The following SNX4 variants were observed in gnomAD, a reference collection of about 807,000 sequenced individuals.
SNX4 encodes sorting nexin 4, also known as sorting nexin-4.
Under a neutral mutation model 70.8 loss-of-function variants are expected in SNX4, and 49 were observed. The ratio of observed to expected loss-of-function variants is 0.69; its 90% confidence interval spans 0.55 to 0.88. The LOEUF is 0.88. Ranked by LOEUF, SNX4 falls within the 40% of genes least tolerant of loss-of-function variation. SNX4 has a pLI of 0.00. For synonymous variants in SNX4, 206 were observed against 183.8 expected (o/e 1.12, Z -0.98); for missense variants, 528 against 544.8 (o/e 0.97, Z 0.31).
intron 8 of SNX4, among the ~76,000 whole-genome samples, chr3:125,474,854 T>A (rs1934256152): frequency 6.6e-6 from 1 of 152,116 alleles, no homozygotes; most frequent in Admixed American, 6.5e-5. Flanking sequence ...CCCCCACATG[T>A]CTCCTATGGG....
intron 10 of SNX4, among the ~76,000 whole-genome samples, chr3:125,459,159 G>A (rs1163375804): frequency 1.3e-5 from 2 of 152,060 alleles, no homozygotes; most frequent in African/African-American, 2.4e-5. Context: ...GGGCAACAGA[G>A]TGAAACTCCA....
At position 125,495,277 on chromosome 3, in the gene SNX4, T is replaced by TATATATATATATATAATACAC; in HGVS notation, c.597+2063_597+2064insGTGTATTATATATATATATAT. On this transcript the variant is annotated intron_variant, in intron 5 of 13. Transcript: ENST00000251775. Reference sequence around the variant, plus strand: ...ATATATATATATATATATATATATATACACATACACACACACACACGTATG... The same window carrying TATATATATATATATAATACAC: ...ATATATATATATATATATATATATATATATATATATATATAATACACACACATACACACACACACACGTATG... 1.1e-4 allele frequency among the ~76,000 whole-genome samples: 11 copies of TATATATATATATATAATACAC among 99,618 alleles called. No individual in the cohort carries two copies. In the Admixed American group the frequency reaches 1.4e-3, roughly 12 times the overall value. The allele number at this position is 99,618 out of a possible 152,430, so 65.4% of individuals were successfully genotyped here.
chr3:125,496,648 T>C (rs552506040), intron 5 of SNX4, among the ~76,000 whole-genome samples: 1 of 152,306 alleles, frequency 6.6e-6, no homozygotes, highest in South Asian at 2.1e-4. Context: ...TGTATTTCTT[T>C]TAGGGAAGAA....
intron 2 of SNX4, among the ~76,000 whole-genome samples, chr3:125,499,990 G>A (rs1314838548): frequency 2.0e-5 from 3 of 151,870 alleles, no homozygotes; most frequent in African/African-American, 7.3e-5. Flanking sequence ...AACCCGGGAG[G>A]CAGAGGTTGC....
In SNX4 at chr3:125,447,786, T is replaced by G; in HGVS notation, c.1346A>C (p.Lys449Thr). The change falls in exon 14 of 14, where the codon AAG (lysine) becomes ACG (threonine). Residue 449 changes from lysine (K) to threonine (T), a missense_variant. Around this residue, in one of 3 missense-constraint regions of SNX4, gnomAD observed 159 missense variants for 172.6 expected, o/e 0.92. Coordinates refer to ENST00000251775, the MANE Select transcript of SNX4 (RefSeq NM_003794.4). ...GAAATTCAATTCACAGGATTACATC[T>G]TGCTAAAGCATTCCTTAGCATTGGT... ...VWTNAKECFS[K>T]M 1 of 1,592,466 alleles carries G rather than the reference T, an allele frequency of 6.3e-7. No individual in the cohort carries two copies. The highest frequency in any genetic ancestry group is 8.5e-7 in the Non-Finnish European group (1 of 1,171,182).
At chr3:125,477,421 T>C (rs745705803) in intron 7 of SNX4, among the ~76,000 whole-genome samples, 5 of 152,196 alleles carry the variant, frequency 3.3e-5, no homozygotes, top group African/African-American at 9.6e-5. Flanking sequence ...ACAGAAATTT[T>C]ACAAGTTAAA....
intron 6 of SNX4, among the ~76,000 whole-genome samples, chr3:125,481,056 G>A (rs1934399812): frequency 6.6e-6 from 1 of 152,028 alleles, no homozygotes; most frequent in Non-Finnish European, 1.5e-5. Context: ...TTAACACCCT[G>A]TCAATATCCA....
At chr3:125,517,735 G>C (rs1309436261) in intron 1 of SNX4, among the ~76,000 whole-genome samples, 1 of 152,230 alleles carries the variant, frequency 6.6e-6, no homozygotes, top group Non-Finnish European at 1.5e-5. Flanking sequence ...CAGCACTTTA[G>C]GAGGCTGAGG....
chr3:125,506,981 C>G (rs1935059629), intron 1 of SNX4, among the ~76,000 whole-genome samples: 3 of 150,838 alleles, frequency 2.0e-5, no homozygotes, highest in Admixed American at 2.0e-4. Flanking sequence ...GCGGGCAGGT[C>G]ACCTGAGGTC....
intron 6 of SNX4, among the ~76,000 whole-genome samples, chr3:125,483,495 CAGTA>C (rs1382393745): frequency 3.9e-5 from 6 of 152,140 alleles, no homozygotes; most frequent in Middle Eastern, 3.2e-3. Flanking sequence ...AGAATATAAA[CAGTA>C]AGCCTCAGAA....
intron 1 of SNX4, among the ~76,000 whole-genome samples, chr3:125,512,464 T>C (rs945789801): frequency 2.0e-5 from 3 of 152,042 alleles, no homozygotes; most frequent in Non-Finnish European, 4.4e-5. Context: ...CACACAACAA[T>C]AATACCAGTA....
intron 5 of SNX4, 88 bp from the exon 6 acceptor site, chr3:125,489,551 C>A: frequency 2.0e-6 from 2 of 998,146 alleles, no homozygotes; most frequent in South Asian, 1.4e-5. Flanking sequence ...AATTAAGATG[C>A]TCAAGTACAG....
chr3:125,479,046 G>A (rs1355070630), intron 7 of SNX4, among the ~76,000 whole-genome samples: 1 of 152,098 alleles, frequency 6.6e-6, no homozygotes, highest in Non-Finnish European at 1.5e-5. Context: ...ACCTTCAGAA[G>A]AATTTTTTCC....
At position 125,453,916 on chromosome 3, in the gene SNX4, G is replaced by A. The variant is rs142294354; in HGVS notation, c.1084C>T (p.Leu362Phe). The A allele has an allele frequency of 1.2e-6, 2 of 1,613,716 alleles. No individual in the cohort carries two copies. The highest frequency in any genetic ancestry group is 1.3e-5 in the African/African-American group (1 of 74,888). The change falls in exon 12 of 14, where the codon CTC becomes TTC. Residue 362 changes from leucine (L) to phenylalanine (F), a missense_variant. Transcript: ENST00000251775. The stretch of plus-strand genomic sequence containing the variant: ...TGCTCTGGAGTTTCTTGACCAAAGA[G>A]CTTGGTAGTCATTCCCTTCAAAGAG... ...TFSLKGMTTK[L>F]FGQETPEQRE... is the part of the protein sequence containing the mutation.
chr3:125,479,246 A>C (rs941648048), intron 7 of SNX4, among the ~76,000 whole-genome samples: 7 of 152,040 alleles, frequency 4.6e-5, no homozygotes, highest in African/African-American at 1.7e-4. Context: ...AATTCCAGGC[A>C]ATATATTTCA....
intron 5 of SNX4, among the ~76,000 whole-genome samples, chr3:125,495,292 A>C (rs1934769431): frequency 7.1e-6 from 1 of 140,232 alleles, no homozygotes; most frequent in Admixed American, 7.2e-5. Context: ...ATACACACAC[A>C]CACACGTATG....
At chr3:125,496,683 T>C (rs1046945395) in intron 5 of SNX4, among the ~76,000 whole-genome samples, 1 of 152,208 alleles carries the variant, frequency 6.6e-6, no homozygotes, top group Non-Finnish European at 1.5e-5. Context: ...AGAACTCAAG[T>C]GTCCAGCTTA....
intron 6 of SNX4, among the ~76,000 whole-genome samples, chr3:125,487,168 T>G (rs1007389811): frequency 3.3e-5 from 5 of 152,090 alleles, no homozygotes; most frequent in South Asian, 2.1e-4. Flanking sequence ...AAAAATCTAT[T>G]GTAACAGCTA....
rs73197500 is a variant in SNX4, at chr3:125,478,063, A to C, written c.727-1307T>G. ...CCTCCTCCTCCTTCTTCTTCTTCTT[A>C]TTATTATTACTATTATTATTATTAT... On this transcript the variant is annotated intron_variant, in intron 7 of 13. Coordinates refer to ENST00000251775, the MANE Select transcript of SNX4 (RefSeq NM_003794.4). Among the ~76,000 whole-genome samples the C allele has an allele frequency of 4.7e-3, 597 of 127,018 alleles. 2 individuals carry two copies. The highest frequency in any genetic ancestry group is 0.011 in the African/African-American group (358 of 33,404). The allele number at this position is 127,018 out of a possible 152,430, so 83.3% of individuals were successfully genotyped here.
Sources: gnomAD v4.1 joint callset for allele counts (sites outside exome capture counted in the v4.1 genomes callset) on GRCh38, gnomAD v4.1.1 for gene constraint, gnomAD v4.1.1 regional missense constraint, MANE v1.5 for transcripts, NCBI Gene and HGNC (gene_info 2026-07-23, HGNC 2026-07-21) for gene names.